Variants in ADAMTSL1 observed in about 807,000 individuals in gnomAD.
The protein encoded by ADAMTSL1 is ADAMTS-like protein 1.
Under a neutral mutation model 201.8 loss-of-function variants are expected in ADAMTSL1, and 126 were observed. The observed-to-expected ratio is 0.62, with a 90% CI of 0.54 to 0.72. ADAMTSL1 has a LOEUF of 0.72. Ranked by LOEUF, ADAMTSL1 falls within the 30% of genes least tolerant of loss-of-function variation. The pLI is 0.00. For synonymous variants in ADAMTSL1, 1,121 were observed against 903.4 expected (o/e 1.24, Z -4.32); for missense variants, 2,679 against 2,277.8 (o/e 1.18, Z -3.59).
chr9:18,300,691 A>G (rs1323799636), intron 2 of ADAMTSL1, among the ~76,000 whole-genome samples: 3 of 152,124 alleles, frequency 2.0e-5, no homozygotes, highest in Non-Finnish European at 4.4e-5. Flanking sequence ...GGAGTGAAAA[A>G]CGACATGAGA....
At chr9:18,437,576 G>T (rs770847783) in intron 2 of ADAMTSL1, among the ~76,000 whole-genome samples, 3 of 152,002 alleles carry the variant, frequency 2.0e-5, no homozygotes, top group Non-Finnish European at 2.9e-5. Context: ...CTCCCTTTCT[G>T]AATTCTTTTT....
At chr9:18,376,726 A>G (rs1837312500) in intron 2 of ADAMTSL1, among the ~76,000 whole-genome samples, 1 of 152,140 alleles carries the variant, frequency 6.6e-6, no homozygotes, top group African/African-American at 2.4e-5. Flanking sequence ...GAATCACTTG[A>G]ACCCAGGAGG....
At chr9:18,352,504 A>G (rs780567972) in intron 2 of ADAMTSL1, among the ~76,000 whole-genome samples, 5 of 152,174 alleles carry the variant, frequency 3.3e-5, no homozygotes, top group African/African-American at 1.2e-4. Context: ...GTCCCAGTGC[A>G]TGTCTTCTCT....
At chr9:18,567,349 C>T (rs1821978598) in intron 3 of ADAMTSL1, among the ~76,000 whole-genome samples, 1 of 151,890 alleles carries the variant, frequency 6.6e-6, no homozygotes, top group South Asian at 2.1e-4. Context: ...ACCTGTAATC[C>T]CAGTTATTTA....
At chr9:18,037,272 T>C (rs547344172) in intron 1 of ADAMTSL1, among the ~76,000 whole-genome samples, 2 of 152,164 alleles carry the variant, frequency 1.3e-5, no homozygotes, top group Non-Finnish European at 2.9e-5. Context: ...GCATGTCGTA[T>C]ATTTGGTCAG....
chr9:18,417,579 A>G (rs1213172063), intron 2 of ADAMTSL1, among the ~76,000 whole-genome samples: 1 of 152,120 alleles, frequency 6.6e-6, no homozygotes, highest in Admixed American at 6.5e-5. Context: ...CTGTGTAGAA[A>G]TTAAAAAGAG....
At chr9:18,718,487 A>G (rs988446421) in intron 14 of ADAMTSL1, 10 of 571,972 alleles carry the variant, frequency 1.7e-5, no homozygotes, top group Admixed American at 9.5e-5. Flanking sequence ...AGACTTTCCA[A>G]CGCCTCCTGG....
Position 18,853,918 on chromosome 9 carries a change from T to TGTGTGTGTGTGTGTGTGTGTGCGCGCGC in ADAMTSL1, c.4249+23942_4249+23943insTGTGTGTGTGTGTGTGTGTGCGCGCGCG, listed in dbSNP as rs139332733. The stretch of plus-strand genomic sequence containing the variant: ...GTGTGTGTGTGTGTGTGTGTGTGTG[T>TGTGTGTGTGTGTGTGTGTGTGCGCGCGC]GCGCGTGCATGCAAATAGTTGATTA... On this transcript the variant is annotated intron_variant, in intron 23 of 28. Coordinates refer to ENST00000380548, the MANE Select transcript of ADAMTSL1 (RefSeq NM_001040272.6). Among the ~76,000 whole-genome samples, 7 of 145,490 alleles carry TGTGTGTGTGTGTGTGTGTGTGCGCGCGC rather than the reference T, an allele frequency of 4.8e-5. No individual in the cohort carries two copies. The East Asian group carries it at 1.4e-3, about 29-fold the overall frequency.
intron 1 of ADAMTSL1, among the ~76,000 whole-genome samples, chr9:18,134,745 T>G (rs1207840679): frequency 6.6e-6 from 1 of 152,162 alleles, no homozygotes; most frequent in Non-Finnish European, 1.5e-5. Flanking sequence ...ACTGGAGAAG[T>G]GAAACCCAAG....
chr9:18,719,147 A>G (rs1833164575), intron 14 of ADAMTSL1, among the ~76,000 whole-genome samples: 1 of 152,188 alleles, frequency 6.6e-6, no homozygotes, highest in South Asian at 2.1e-4. Context: ...TCTACAACCA[A>G]GAGAACACCC....
chr9:18,046,059 T>C (rs1821646720), intron 1 of ADAMTSL1, among the ~76,000 whole-genome samples: 2 of 152,170 alleles, frequency 1.3e-5, no homozygotes, highest in African/African-American at 2.4e-5. Flanking sequence ...CTGGATGATA[T>C]ATTTTGTTCT....
At chr9:18,821,478 A>T (rs775845001) in intron 21 of ADAMTSL1, among the ~76,000 whole-genome samples, 1 of 152,194 alleles carries the variant, frequency 6.6e-6, no homozygotes, top group African/African-American at 2.4e-5. Context: ...AGGAGCATAC[A>T]TTAAGACTTT....
chr9:18,258,314 G>T (rs7846812), intron 2 of ADAMTSL1, among the ~76,000 whole-genome samples: 51,210 of 152,030 alleles, frequency 0.34, 8,916 homozygotes, highest in African/African-American at 0.4. Context: ...TGATATGCTA[G>T]TATGCAAAAT....
Position 18,427,688 on chromosome 9 carries a change from C to T in ADAMTSL1, c.208-77141C>T, listed in dbSNP as rs140404292. On this transcript the variant is annotated intron_variant, in intron 2 of 29. Coordinates refer to the ADAMTSL1 transcript ENST00000680146. ...TTCTTGCTGAGGCAGGAGCCCAGGA[C>T]CTGCCTTGAGGCTTGAAGCTTCAGG... is the stretch of plus-strand genomic sequence containing the variant. Among the ~76,000 whole-genome samples, 327 of 152,322 alleles carry T rather than the reference C, an allele frequency of 2.1e-3. 2 individuals carry two copies. Among genetic ancestry groups the T allele is most frequent in the African/African-American group, 7.7e-3 (321 of 41,580 alleles).
intron 15 of ADAMTSL1, among the ~76,000 whole-genome samples, chr9:18,741,456 G>T (rs1214921375): frequency 6.6e-6 from 1 of 152,154 alleles, no homozygotes; most frequent in Non-Finnish European, 1.5e-5. Context: ...GCCTTCCCAG[G>T]CATTTCACTT....
chr9:18,576,281 C>T (rs1822717727), intron 4 of ADAMTSL1, among the ~76,000 whole-genome samples: 1 of 152,080 alleles, frequency 6.6e-6, no homozygotes, highest in South Asian at 2.1e-4. Context: ...TAAGCACTAA[C>T]AAGAAATTTA....
chr9:18,640,886 A>G (rs950105791), intron 7 of ADAMTSL1, among the ~76,000 whole-genome samples: 1 of 151,960 alleles, frequency 6.6e-6, no homozygotes, highest in Non-Finnish European at 1.5e-5. Flanking sequence ...CTCTGATTTC[A>G]TTGCCTATGT....
chr9:18,681,703 G>GC (rs1355056601), intron 11 of ADAMTSL1, 109 bp from the exon 12 acceptor site: 3 of 710,206 alleles, frequency 4.2e-6, no homozygotes, highest in South Asian at 6.4e-5. Context: ...CGTGTGGGGG[G>GC]GGGGGGCGGG....
chr9:17,957,461 G>A (rs1258821373), intron 1 of ADAMTSL1, among the ~76,000 whole-genome samples: 5 of 152,162 alleles, frequency 3.3e-5, no homozygotes, highest in African/African-American at 1.2e-4. Flanking sequence ...TTGGGCTTCT[G>A]ATACCTCCAC....
Sources: gnomAD v4.1 joint callset for allele counts (sites outside exome capture counted in the v4.1 genomes callset) on GRCh38, gnomAD v4.1.1 for gene constraint, MANE v1.5 for transcripts, NCBI Gene and HGNC (gene_info 2026-07-23, HGNC 2026-07-21) for gene names.